Variants in DIS3 observed in about 807,000 individuals in gnomAD.
The protein encoded by DIS3 is exosome complex exonuclease RRP44.
In DIS3, 103 loss-of-function variants were observed where a neutral mutation model predicts 113.0. That is an observed-to-expected ratio of 0.91 (90% CI 0.78 to 1.07). The LOEUF (loss-of-function observed/expected upper bound fraction) is 1.07, where lower values mean the gene tolerates loss of function less well. Ranked by LOEUF, DIS3 falls within the 50% of genes least tolerant of loss-of-function variation. The pLI is 0.00. For synonymous variants in DIS3, 402 were observed against 394.3 expected, an observed-to-expected ratio of 1.02 and a Z score of -0.23; for missense variants, 1,121 against 1,167.1, an observed-to-expected ratio of 0.96 and a Z score of 0.58.
At chr13:72,770,718 T>C (rs938416045) in intron 13 of DIS3, among the ~76,000 whole-genome samples, 186 bp downstream of exon 13, 2 of 152,148 alleles carry the variant, frequency 1.3e-5, no homozygotes, top group African/African-American at 4.8e-5. Context: ...TACATGTATA[T>C]GTTTTTTCTA....
At chr13:72,774,648 G>T (rs2033964019) in intron 6 of DIS3, among the ~76,000 whole-genome samples, 1 of 151,874 alleles carries the variant, frequency 6.6e-6, no homozygotes, top group Admixed American at 6.6e-5. Context: ...GGAAAAAGAA[G>T]AATAAAAAAC....
intron 6 of DIS3, 68 bp downstream of exon 6, chr13:72,775,143 T>C: frequency 2.1e-6 from 3 of 1,444,062 alleles, no homozygotes; most frequent in Non-Finnish European, 2.8e-6. Context: ...TGAAACTTGT[T>C]TTCCAAAGCT....
intron 14 of DIS3, among the ~76,000 whole-genome samples, chr13:72,766,948 T>C (rs1488500364): frequency 1.3e-5 from 2 of 152,186 alleles, no homozygotes; most frequent in East Asian, 3.8e-4. Context: ...TAGGAACACA[T>C]ACTAAAAAGA....
chr13:72,772,923 T>A, intron 8 of DIS3, 84 bp from the exon 9 acceptor site: 2 of 1,408,194 alleles, frequency 1.4e-6, no homozygotes, highest in Non-Finnish European at 1.9e-6. Flanking sequence ...CATTTACATA[T>A]CTTCTCAGTA....
Position 72,772,712 on chromosome 13 carries a change from G to A in DIS3, c.1367C>T (p.Pro456Leu). The part of the protein sequence containing the change: ...QAVLSFLPKM[P>L]WSITEKDMKN... ...ACTTACCTTTTCAGTAATGCTCCAG[G>A]GCATCTTTGGCAGAAAACTAAGAAC... is the stretch of plus-strand genomic sequence containing the variant. Residue 456 changes from proline (P) to leucine (L), a missense_variant, in exon 9 of 21, where the codon CCC (proline) becomes CTC (leucine). Pro to Leu is a moderately conservative substitution (Grantham distance 98). Coordinates refer to ENST00000377767, the MANE Select transcript of DIS3 (RefSeq NM_014953.5). 6.2e-7 allele frequency: 1 copy of A among 1,610,992 alleles called. No individual in the cohort carries two copies. The highest frequency in any genetic ancestry group is 8.5e-7 in the Non-Finnish European group (1 of 1,179,228).
rs1405751410 is a variant in DIS3 at position 72,754,528 on chromosome 13, A to T, written c.*5267T>A. On this transcript the variant is annotated 3_prime_UTR_variant, in exon 21 of 21. Transcript: ENST00000377767. ...ATAAATATCAGCAAATGTGCAACAA[A>T]TGTTTAATAGGGAGGCCACCTTAGT... 1 of 152,156 alleles carries T rather than the reference A, an allele frequency of 6.6e-6. No homozygotes were observed. The allele number at this position is 152,156 out of a possible 1,614,324, so 9.4% of individuals were successfully genotyped here.
chr13:72,755,575 CTA>C lies in DIS3; in HGVS notation c.*4218_*4219del. ...TTAGCAGTTCTGAGAACATGTGAAA[CTA>C]TGTTAAAACTGAAGGCACTATATAT... On this transcript the variant is annotated 3_prime_UTR_variant, in exon 21 of 21. Transcript: ENST00000377767. 1.2e-5 allele frequency: 4 copies of C among 333,346 alleles called. No individual in the cohort carries two copies. In the Admixed American group the frequency reaches 1.4e-4, roughly 12 times the overall value. 20.6% of individuals were successfully genotyped at this position (333,346 alleles called of 1,614,324 possible).
intron 8 of DIS3, among the ~76,000 whole-genome samples, chr13:72,773,169 G>T (rs1209165439): frequency 6.6e-6 from 1 of 152,074 alleles, no homozygotes; most frequent in East Asian, 1.9e-4. Context: ...AAACTTATAG[G>T]TTTAAAAACT....
chr13:72,764,979 C>A (rs528076673), intron 15 of DIS3, among the ~76,000 whole-genome samples: 2 of 152,194 alleles, frequency 1.3e-5, no homozygotes, highest in East Asian at 3.9e-4. Context: ...TATAATAGCA[C>A]GCAAGCACAT....
intron 5 of DIS3, 78 bp downstream of exon 5, chr13:72,775,847 G>A (rs931666554): frequency 1.6e-6 from 2 of 1,217,920 alleles, no homozygotes; most frequent in East Asian, 2.8e-5. Flanking sequence ...TACACAAATA[G>A]TATTTACCAT....
intron 1 of DIS3, chr13:72,781,330 G>C: frequency 1.3e-6 from 2 of 1,551,194 alleles, no homozygotes; most frequent in Non-Finnish European, 1.7e-6. Context: ...CAGAAGCCCA[G>C]GTCCCCGGCC....
In DIS3 at chr13:72,755,000, G is replaced by T; in HGVS notation, c.*4795C>A. ...AAGTGTTGGGATGCTTTTTGATGCA[G>T]AATATTGATTTATAAAATACTGTAT... is the stretch of plus-strand genomic sequence containing the variant. On this transcript the variant is annotated 3_prime_UTR_variant, in exon 21 of 21. Coordinates refer to ENST00000377767, the MANE Select transcript of DIS3 (RefSeq NM_014953.5). 1 of 607,242 alleles carries T rather than the reference G, an allele frequency of 1.6e-6. No homozygotes were observed. The highest frequency in any genetic ancestry group is 2.8e-6 in the Non-Finnish European group (1 of 351,628). 37.6% of individuals were successfully genotyped at this position (607,242 alleles called of 1,614,324 possible). A position where few individuals can be genotyped will look rare whatever the true frequency, so the allele number is the denominator to read the frequency against.
At chr13:72,772,348 A>C in intron 9 of DIS3, 73 bp from the exon 10 acceptor site, 6 of 1,167,874 alleles carry the variant, frequency 5.1e-6, no homozygotes, top group Non-Finnish European at 7.4e-6. Flanking sequence ...AGCTCTTGTG[A>C]AATCAGTAAT....
intron 8 of DIS3, 82 bp downstream of exon 8, chr13:72,773,602 G>C: frequency 7.0e-7 from 1 of 1,425,394 alleles, no homozygotes; most frequent in South Asian, 1.4e-5. Flanking sequence ...CATAAAAGTA[G>C]ATTGTTTTTA....
rs1238799220 is a variant in DIS3 at position 72,781,555 on chromosome 13, C to T, written c.228+50G>A. On this transcript the variant is annotated intron_variant, in intron 1 of 20. Transcript: ENST00000377767. ...CTGGGCCTCAGTTTCCCTGTCATAC[C>T]CCCTTGTCCCCGTGGGGCCGCGCTG... The T allele has an allele frequency of 4.8e-6, 7 of 1,469,548 alleles. No individual in the cohort carries two copies. The African/African-American group carries it at 8.5e-5, about 18-fold the overall frequency. 91.0% of individuals were successfully genotyped at this position (1,469,548 alleles called of 1,614,324 possible). A position where few individuals can be genotyped will look rare whatever the true frequency, so the allele number is the denominator to read the frequency against.
intron 9 of DIS3, 26 bp downstream of exon 9, chr13:72,772,667 G>T (rs2033913605): frequency 6.3e-7 from 1 of 1,583,692 alleles, no homozygotes; most frequent in South Asian, 1.2e-5. Context: ...AATTTATAAA[G>T]TCACTACAAA....
intron 14 of DIS3, among the ~76,000 whole-genome samples, chr13:72,767,034 T>G (rs897128569): frequency 1.3e-5 from 2 of 152,190 alleles, no homozygotes; most frequent in East Asian, 3.8e-4. Context: ...TGATATGTAT[T>G]TATTAATGGA....
intron 16 of DIS3, 115 bp downstream of exon 16, chr13:72,763,336 C>T (rs2033672291): frequency 6.4e-6 from 8 of 1,259,140 alleles, no homozygotes; most frequent in Non-Finnish European, 8.6e-6. Flanking sequence ...GAACTATTGG[C>T]ATATTCTTGT....
At chr13:72,781,357 C>A (rs2138255402) in intron 1 of DIS3, 2 of 1,551,286 alleles carry the variant, frequency 1.3e-6, no homozygotes, top group Non-Finnish European at 1.7e-6. Context: ...CACTTACAAT[C>A]TAAGGCAGAA....
Sources: allele counts gnomAD v4.1 joint callset (sites outside exome capture counted in the v4.1 genomes callset), GRCh38; gene constraint gnomAD v4.1.1; transcripts MANE v1.5; gene names NCBI Gene and HGNC (gene_info 2026-07-23, HGNC 2026-07-21).